CDKAL1: variants seen among roughly 807,000 people sequenced by gnomAD.
CDKAL1 encodes CDKAL1 threonylcarbamoyladenosine tRNA methylthiotransferase, also known as threonylcarbamoyladenosine tRNA methylthiotransferase.
CDKAL1 carries 32 observed loss-of-function variants against 68.2 expected under a neutral mutation model. The observed-to-expected ratio is 0.47, with a 90% confidence interval of 0.35 to 0.63. The LOEUF is 0.63. Among genes scored for constraint, CDKAL1 ranks in the 30% least tolerant of loss-of-function variants. CDKAL1 has a pLI of 0.00. For synonymous variants in CDKAL1, 234 were observed against 244.3 expected (o/e 0.96, Z 0.39); for missense variants, 606 against 696.7 (o/e 0.87, Z 1.47).
intron 13 of CDKAL1, among the ~76,000 whole-genome samples, chr6:21,184,950 G>A (rs1033733646): frequency 3.3e-5 from 5 of 150,884 alleles, no homozygotes; most frequent in African/African-American, 4.9e-5. Context: ...TACAGGGTGA[G>A]CCACAGTACC....
chr6:20,613,219 T>G (rs1425119829), intron 4 of CDKAL1, among the ~76,000 whole-genome samples: 1 of 150,862 alleles, frequency 6.6e-6, no homozygotes, highest in East Asian at 1.9e-4. Context: ...TTGGTTACCT[T>G]GTTTTATCAG....
At chr6:21,069,974 T>G (rs989654980) in intron 12 of CDKAL1, among the ~76,000 whole-genome samples, 1 of 151,764 alleles carries the variant, frequency 6.6e-6, no homozygotes, top group Non-Finnish European at 1.5e-5. Flanking sequence ...GTATTTTTAG[T>G]AGAGTCGAGG....
At chr6:20,742,379 A>ACT (rs1773496527) in intron 6 of CDKAL1, among the ~76,000 whole-genome samples, 1 of 151,848 alleles carries the variant, frequency 6.6e-6, no homozygotes, top group African/African-American at 2.4e-5. Context: ...TGGAGAAATA[A>ACT]GAACACATTT....
At chr6:21,106,846 T>A (rs1773870174) in intron 12 of CDKAL1, among the ~76,000 whole-genome samples, 1 of 152,146 alleles carries the variant, frequency 6.6e-6, no homozygotes, top group Non-Finnish European at 1.5e-5. Context: ...AATCAATGTT[T>A]GTGTTTGTGT....
intron 11 of CDKAL1, among the ~76,000 whole-genome samples, chr6:21,037,012 T>TA (rs1454354991): frequency 6.6e-6 from 1 of 152,210 alleles, no homozygotes; most frequent in Non-Finnish European, 1.5e-5. Flanking sequence ...TCATCATTGA[T>TA]AAAGTTTGGA....
intron 2 of CDKAL1, among the ~76,000 whole-genome samples, chr6:20,536,956 A>G (rs1191128168): frequency 6.6e-6 from 1 of 152,224 alleles, no homozygotes; most frequent in Non-Finnish European, 1.5e-5. Flanking sequence ...GAAAGTTTTT[A>G]AAAGATATTG....
chr6:20,653,273 A>G (rs969644060), intron 5 of CDKAL1, among the ~76,000 whole-genome samples: 6 of 152,084 alleles, frequency 3.9e-5, no homozygotes, highest in African/African-American at 1.4e-4. Context: ...TGTACATTCA[A>G]ACTTTATTAG....
intron 13 of CDKAL1, among the ~76,000 whole-genome samples, chr6:21,126,494 A>G (rs1295543994): frequency 6.6e-6 from 1 of 152,162 alleles, no homozygotes; most frequent in Non-Finnish European, 1.5e-5. Flanking sequence ...CTGAGCACTC[A>G]ACCTTGATGC....
intron 5 of CDKAL1, among the ~76,000 whole-genome samples, chr6:20,658,747 A>C (rs67077402): frequency 0.4 from 60,175 of 151,896 alleles, 13,046 homozygotes; most frequent in African/African-American, 0.58. Context: ...ATTAAAAAAA[A>C]CCCTTTCCAG....
intron 4 of CDKAL1, among the ~76,000 whole-genome samples, chr6:20,644,041 C>G (rs1768315347): frequency 6.6e-6 from 1 of 151,570 alleles, no homozygotes; most frequent in South Asian, 2.1e-4. Flanking sequence ...CCACGTTGGT[C>G]AGGCTGGTCT....
At chr6:20,632,107 G>A (rs1214160195) in intron 4 of CDKAL1, among the ~76,000 whole-genome samples, 1 of 152,196 alleles carries the variant, frequency 6.6e-6, no homozygotes, top group Non-Finnish European at 1.5e-5. Flanking sequence ...CTGGCAAAGT[G>A]AAAATTCATA....
chr6:21,070,053 G>A (rs549409203), intron 12 of CDKAL1, among the ~76,000 whole-genome samples: 21 of 151,964 alleles, frequency 1.4e-4, no homozygotes, highest in African/African-American at 4.6e-4. Context: ...GCCTCCCAAA[G>A]TGCTGGGATT....
intron 9 of CDKAL1, among the ~76,000 whole-genome samples, chr6:20,896,854 G>A (rs188762367): frequency 1.3e-5 from 2 of 152,246 alleles, no homozygotes; most frequent in African/African-American, 4.8e-5. Context: ...CTCAAAGAGA[G>A]CTGTGACCTT....
intron 13 of CDKAL1, among the ~76,000 whole-genome samples, chr6:21,196,834 C>A (rs937765340): frequency 6.6e-6 from 1 of 152,020 alleles, no homozygotes; most frequent in African/African-American, 2.4e-5. Context: ...AGTTGTTTTG[C>A]TGTATCAGAC....
intron 11 of CDKAL1, among the ~76,000 whole-genome samples, chr6:21,055,391 T>C (rs1252127476): frequency 6.6e-6 from 1 of 152,198 alleles, no homozygotes; most frequent in Non-Finnish European, 1.5e-5. Flanking sequence ...TTTACTTTTT[T>C]TTAAGTTCTG....
intron 13 of CDKAL1, among the ~76,000 whole-genome samples, chr6:21,148,940 A>T (rs182328877): frequency 1.3e-5 from 2 of 152,320 alleles, no homozygotes; most frequent in East Asian, 3.9e-4. Context: ...GTCTTATTAT[A>T]CTAGGATGAA....
chr6:20,925,799 T>C (rs1214558706), intron 9 of CDKAL1, among the ~76,000 whole-genome samples: 3 of 152,124 alleles, frequency 2.0e-5, no homozygotes, highest in African/African-American at 4.8e-5. Flanking sequence ...GCCAAAGATA[T>C]TAGTTACAGA....
At chr6:20,649,168 T>A in intron 4 of CDKAL1, 125 bp from the exon 5 acceptor site, 1 of 664,486 alleles carries the variant, frequency 1.5e-6, no homozygotes. Flanking sequence ...TACTGTGTTG[T>A]AATTGCCTGT....
intron 5 of CDKAL1, chr6:20,722,550 T>C: frequency 3.1e-6 from 1 of 318,444 alleles, no homozygotes; most frequent in South Asian, 3.4e-5. Context: ...CTGCTTACCC[T>C]GGGCACACAT....
Sources: gnomAD v4.1 joint callset for allele counts (sites outside exome capture counted in the v4.1 genomes callset) on GRCh38, gnomAD v4.1.1 for gene constraint, MANE v1.5 for transcripts, NCBI Gene and HGNC (gene_info 2026-07-23, HGNC 2026-07-21) for gene names.